VPS41: variants seen among roughly 807,000 people sequenced by gnomAD.
VPS41 encodes the protein vacuolar protein sorting-associated protein 41 homolog.
VPS41 carries 85 observed loss-of-function variants against 130.9 expected under a neutral mutation model. The observed-to-expected ratio is 0.65, with a 90% CI of 0.55 to 0.78. The LOEUF is 0.78. Ranked by LOEUF, VPS41 falls within the 30% of genes least tolerant of loss-of-function variation. The pLI, the probability that VPS41 is intolerant of heterozygous loss-of-function variation, is 0.00. For synonymous variants in VPS41, 335 were observed against 332.9 expected (o/e 1.01, Z -0.07); for missense variants, 874 against 1,018.7 (o/e 0.86, Z 1.93).
chr7:38,854,185 G>T (rs1351741729), intron 4 of VPS41, among the ~76,000 whole-genome samples: 1 of 152,170 alleles, frequency 6.6e-6, no homozygotes, highest in African/African-American at 2.4e-5. Flanking sequence ...AAGAATCTGA[G>T]ACCTGTCAAT....
intron 3 of VPS41, among the ~76,000 whole-genome samples, chr7:38,868,888 G>A (rs750781084): frequency 1.3e-5 from 2 of 152,122 alleles, no homozygotes; most frequent in South Asian, 2.1e-4. Context: ...GCCAAAACCC[G>A]TTTCATATAA....
intron 4 of VPS41, among the ~76,000 whole-genome samples, chr7:38,861,703 T>C (rs1002934865): frequency 1.3e-5 from 2 of 152,180 alleles, no homozygotes; most frequent in African/African-American, 4.8e-5. Flanking sequence ...TTCAAAAAAG[T>C]AGTATTTGTC....
intron 6 of VPS41, among the ~76,000 whole-genome samples, chr7:38,820,319 G>A (rs2116116077): frequency 6.6e-6 from 1 of 152,018 alleles, no homozygotes; most frequent in Non-Finnish European, 1.5e-5. Context: ...CTCCACTCTG[G>A]CAAATTCAAC....
intron 4 of VPS41, among the ~76,000 whole-genome samples, chr7:38,852,472 G>A (rs1033553709): frequency 7.2e-5 from 11 of 152,166 alleles, no homozygotes; most frequent in African/African-American, 2.7e-4. Flanking sequence ...TGGTCATTGG[G>A]TTGATACCTA....
intron 7 of VPS41, among the ~76,000 whole-genome samples, chr7:38,816,859 C>T (rs1204262477): frequency 2.0e-5 from 3 of 152,172 alleles, no homozygotes; most frequent in Non-Finnish European, 4.4e-5. Context: ...GATCCTCCCA[C>T]CTCAGCCTCT....
At chr7:38,790,944 C>A (rs2115951994) in intron 9 of VPS41, among the ~76,000 whole-genome samples, 1 of 152,158 alleles carries the variant, frequency 6.6e-6, no homozygotes, top group African/African-American at 2.4e-5. Flanking sequence ...GAATTGATAC[C>A]AATGGGTACA....
intron 2 of VPS41, among the ~76,000 whole-genome samples, chr7:38,894,160 G>A (rs1786928290): frequency 6.6e-6 from 1 of 152,118 alleles, no homozygotes; most frequent in Non-Finnish European, 1.5e-5. Flanking sequence ...TACAAAACAC[G>A]AGAAGAGATG....
At chr7:38,863,483 C>A (rs1326586543) in intron 3 of VPS41, among the ~76,000 whole-genome samples, 3 of 152,116 alleles carry the variant, frequency 2.0e-5, no homozygotes, top group African/African-American at 7.2e-5. Flanking sequence ...TCAAGCAGCA[C>A]AATCTTTAAA....
At chr7:38,815,014 G>T (rs1785014779) in intron 7 of VPS41, among the ~76,000 whole-genome samples, 1 of 152,098 alleles carries the variant, frequency 6.6e-6, no homozygotes, top group Admixed American at 6.5e-5. Context: ...TTCAGCCAGG[G>T]CCTAACAGCT....
intron 2 of VPS41, among the ~76,000 whole-genome samples, chr7:38,887,094 A>T (rs2116400703): frequency 6.6e-6 from 1 of 152,336 alleles, no homozygotes; most frequent in South Asian, 2.1e-4. Flanking sequence ...AAAGGCAGAA[A>T]ATTCTAAAAA....
chr7:38,731,411 C>A (rs1795660154), intron 25 of VPS41, among the ~76,000 whole-genome samples: 1 of 152,216 alleles, frequency 6.6e-6, no homozygotes, highest in Admixed American at 6.5e-5. Flanking sequence ...ATTTCACCCT[C>A]AAAAATTCAT....
intron 2 of VPS41, among the ~76,000 whole-genome samples, chr7:38,883,151 G>C (rs1424682025): frequency 6.6e-6 from 1 of 152,210 alleles, no homozygotes; most frequent in African/African-American, 2.4e-5. Context: ...GCTGAGGCAG[G>C]AGAATCACTT....
chr7:38,838,585 C>T (rs1236488877), intron 4 of VPS41, among the ~76,000 whole-genome samples: 1 of 152,102 alleles, frequency 6.6e-6, no homozygotes, highest in Non-Finnish European at 1.5e-5. Flanking sequence ...TAATGTCAAG[C>T]TGACACTATA....
rs762712929 is a variant in VPS41 at position 38,771,266 on chromosome 7, A to G, written c.1129-12T>C. On this transcript the variant is annotated splice_polypyrimidine_tract_variant and intron_variant, in intron 13 of 28. Transcript: ENST00000310301. ...GCCATCAATGCTTCCTTTATTCCAA[A>G]CATAAGGATGATTTAAAAAAAAAAA... 6.4e-7 allele frequency: 1 copy of G among 1,563,396 alleles called. No homozygotes were observed. Among genetic ancestry groups the G allele is most frequent in the South Asian group, 1.2e-5 (1 of 85,438 alleles).
At chr7:38,845,709 G>C (rs1193055456) in intron 4 of VPS41, among the ~76,000 whole-genome samples, 1 of 152,204 alleles carries the variant, frequency 6.6e-6, no homozygotes, top group Non-Finnish European at 1.5e-5. Flanking sequence ...GGCATAAGGA[G>C]CCAACAAAGT....
At chr7:38,778,148 A>C (rs1784294429) in intron 10 of VPS41, among the ~76,000 whole-genome samples, 1 of 152,214 alleles carries the variant, frequency 6.6e-6, no homozygotes, top group African/African-American at 2.4e-5. Flanking sequence ...AGTACCATAC[A>C]ATGGAAGTCC....
intron 9 of VPS41, among the ~76,000 whole-genome samples, chr7:38,792,922 G>A (rs1183243515): frequency 6.6e-6 from 1 of 151,834 alleles, no homozygotes; most frequent in Non-Finnish European, 1.5e-5. Flanking sequence ...TCACACTCCT[G>A]CTTCAAGAAT....
chr7:38,862,717 C>T lies in VPS41; in HGVS notation c.169-95G>A, dbSNP rs1786144728. 4.3e-6 allele frequency: 3 copies of T among 702,366 alleles called. No individual in the cohort carries two copies. The South Asian group carries it at 5.7e-5, about 13-fold the overall frequency. 43.5% of individuals were successfully genotyped at this position (702,366 alleles called of 1,614,324 possible). A position where few individuals can be genotyped will look rare whatever the true frequency, so the allele number is the denominator to read the frequency against. ...ATTTTTAAAGACAAGATGCTTAATG[C>T]ATAAATGATCTGCAATGTCTCAAAA... On this transcript the variant is annotated intron_variant, in intron 3 of 28. Transcript: ENST00000310301.
chr7:38,864,240 C>T (rs1786180450), intron 3 of VPS41, among the ~76,000 whole-genome samples: 2 of 152,176 alleles, frequency 1.3e-5, no homozygotes, highest in South Asian at 4.1e-4. Flanking sequence ...TCTGTAAAGG[C>T]CACTTTTGAA....
Sources: allele counts gnomAD v4.1 joint callset (sites outside exome capture counted in the v4.1 genomes callset), GRCh38; gene constraint gnomAD v4.1.1; transcripts MANE v1.5; gene names NCBI Gene and HGNC (gene_info 2026-07-23, HGNC 2026-07-21).